OR2A12: variants seen among roughly 807,000 people sequenced by gnomAD.
The protein encoded by OR2A12 is olfactory receptor family 2 subfamily A member 12, also known as olfactory receptor 2A12.
For missense variants in OR2A12, 380 were observed against 372.5 expected, an observed-to-expected ratio of 1.02 and a Z score of -0.17; for synonymous variants, 153 against 149.3, an observed-to-expected ratio of 1.02 and a Z score of -0.18.
In OR2A12 at chr7:144,098,463, T is replaced by C. The variant is rs532242788; in HGVS notation, c.*2423T>C. 43 of 152,208 alleles carry C rather than the reference T, an allele frequency of 2.8e-4. 1 individual carries two copies. Among genetic ancestry groups the C allele is most frequent in the African/African-American group, 1.0e-3 (43 of 41,518 alleles). 9.4% of individuals were successfully genotyped at this position (152,208 alleles called of 1,614,324 possible). ...CAAGTTAGGGGGAGAGAGATGCATT[T>C]TTATGTTCTATTTATTAATAATTTC... On this transcript the variant is annotated 3_prime_UTR_variant, in exon 2 of 2. Coordinates refer to ENST00000641592, the MANE Select transcript of OR2A12 (RefSeq NM_001004135.2).
chr7:144,093,178 C>A (rs1410381820), intron 1 of OR2A12, among the ~76,000 whole-genome samples: 1 of 152,052 alleles, frequency 6.6e-6, no homozygotes, highest in Admixed American at 6.6e-5. Flanking sequence ...AAGTGGAATG[C>A]ATTTTTTTAG....
At chr7:144,087,996 G>A (rs1364400477) in intron 1 of OR2A12, among the ~76,000 whole-genome samples, 1 of 152,142 alleles carries the variant, frequency 6.6e-6, no homozygotes, top group African/African-American at 2.4e-5. Context: ...GATCAAGAGT[G>A]TGCATATTCT....
chr7:144,091,499 T>C (rs1379679369), intron 1 of OR2A12, among the ~76,000 whole-genome samples: 1 of 152,250 alleles, frequency 6.6e-6, no homozygotes, highest in African/African-American at 2.4e-5. Flanking sequence ...TGTTCCCTTT[T>C]CTCTCTGCAG....
intron 1 of OR2A12, among the ~76,000 whole-genome samples, chr7:144,091,976 T>C (rs539816895): frequency 6.6e-6 from 1 of 152,298 alleles, no homozygotes; most frequent in African/African-American, 2.4e-5. Context: ...AAGGTTTTTA[T>C]TGCTTTGGGT....
intron 1 of OR2A12, among the ~76,000 whole-genome samples, chr7:144,089,012 G>T (rs1173172052): frequency 6.6e-5 from 10 of 152,136 alleles, no homozygotes. Context: ...TACAAGAGGA[G>T]CACCTTATAT....
At chr7:144,087,186 T>C (rs1290214799) in intron 1 of OR2A12, among the ~76,000 whole-genome samples, 1 of 152,226 alleles carries the variant, frequency 6.6e-6, no homozygotes, top group Non-Finnish European at 1.5e-5. Flanking sequence ...GAGAATCATC[T>C]GCTTCTGCTA....
chr7:144,094,928 T>C, intron 1 of OR2A12, 129 bp from the exon 2 acceptor site: 1 of 505,130 alleles, frequency 2.0e-6, no homozygotes, highest in Non-Finnish European at 3.5e-6. Context: ...TTTAAATATC[T>C]CTAAAAGCCA....
chr7:144,090,386 T>C (rs139467340), intron 1 of OR2A12, among the ~76,000 whole-genome samples: 7 of 151,248 alleles, frequency 4.6e-5, no homozygotes, highest in African/African-American at 1.7e-4. Flanking sequence ...TATAAATATA[T>C]ATATTTATAT....
intron 1 of OR2A12, among the ~76,000 whole-genome samples, chr7:144,086,883 C>G (rs1204531369): frequency 6.6e-6 from 1 of 152,098 alleles, no homozygotes; most frequent in South Asian, 2.1e-4. Context: ...AAAGAGAGAG[C>G]GAGCGAGAAC....
chr7:144,090,439 C>A (rs539541228), intron 1 of OR2A12, among the ~76,000 whole-genome samples: 1 of 151,518 alleles, frequency 6.6e-6, no homozygotes, highest in Non-Finnish European at 1.5e-5. Flanking sequence ...CTAAGAAAAA[C>A]AAAGTTATTA....
rs1448238320 is a variant in OR2A12 at position 144,097,087 on chromosome 7, G to T, written c.*1047G>T. 6.6e-6 allele frequency: 1 copy of T among 151,860 alleles called. No homozygotes were observed. Among genetic ancestry groups the T allele is most frequent in the Admixed American group, 6.6e-5 (1 of 15,226 alleles). The allele number at this position is 151,860 out of a possible 1,614,324, so 9.4% of individuals were successfully genotyped here. A position where few individuals can be genotyped will look rare whatever the true frequency, so the allele number is the denominator to read the frequency against. On this transcript the variant is annotated 3_prime_UTR_variant, in exon 2 of 2. Transcript: ENST00000641592. ...CACACGTGCACACACATTTGAGAAA[G>T]AAGAAACAAACTGTAATTACATACA... is the stretch of plus-strand genomic sequence containing the variant.
rs1327333329 is a variant in OR2A12 at position 144,095,068 on chromosome 7, C to A, written c.-40C>A. 7.4e-7 allele frequency: 1 copy of A among 1,360,462 alleles called. No homozygotes were observed. Among genetic ancestry groups the A allele is most frequent in the Admixed American group, 2.2e-5 (1 of 45,534 alleles). 84.3% of individuals were successfully genotyped at this position (1,360,462 alleles called of 1,614,324 possible). Reference sequence around the variant, plus strand: ...TTTTCTCCCATTAGCTGTGAAATTTCTGTCTTAAGTACATCACAAGATTTT... The same window carrying A: ...TTTTCTCCCATTAGCTGTGAAATTTATGTCTTAAGTACATCACAAGATTTT... On this transcript the variant is annotated 5_prime_UTR_variant, in exon 2 of 2. In the 5' UTR this introduces an upstream ATG that the reference lacks. Transcript: ENST00000641592.
rs769270259 is a variant in OR2A12, at chr7:144,095,732, C to A, written c.625C>A (p.Pro209Thr). Reference protein sequence around the residue: ...FAGSAFILVGPLCLVLVSYLH... With the variant: ...FAGSAFILVGTLCLVLVSYLH... ...GGGTTCTGCGTTCATCTTAGTGGGG[C>A]CGCTCTGCCTGGTGCTGGTCTCCTA... Residue 209 changes from proline (P) to threonine (T), a missense_variant, in exon 2 of 2, where the codon CCG becomes ACG. Pro to Thr is a conservative substitution (Grantham distance 38, BLOSUM62 -1). Coordinates refer to ENST00000641592, the MANE Select transcript of OR2A12 (RefSeq NM_001004135.2). 2 of 1,614,070 alleles carry A rather than the reference C, an allele frequency of 1.2e-6. No individual in the cohort carries two copies. Among genetic ancestry groups the A allele is most frequent in the Non-Finnish European group, 1.7e-6 (2 of 1,180,022 alleles).
chr7:144,087,655 T>A (rs1344241779), intron 1 of OR2A12, among the ~76,000 whole-genome samples: 1 of 152,256 alleles, frequency 6.6e-6, no homozygotes, highest in Non-Finnish European at 1.5e-5. Context: ...TTCTCACTTT[T>A]GAGAAGGAAG....
In OR2A12 at chr7:144,095,538, C is replaced by T. The variant is rs1263688474; in HGVS notation, c.431C>T (p.Ala144Val). Residue 144 changes from alanine to valine, a missense_variant, in exon 2 of 2, where the codon GCC (alanine) becomes GTC (valine). By Grantham distance (64) the Ala-to-Val change is moderately conservative (BLOSUM62 0). Transcript: ENST00000641592. ...IMNWRVCTVL[A>V]STCWIFSFLL... The stretch of plus-strand genomic sequence containing the variant: ...AACTGGAGAGTGTGCACTGTCCTGG[C>T]CTCAACTTGCTGGATATTTAGCTTT... 3 of 1,613,944 alleles carry T rather than the reference C, an allele frequency of 1.9e-6. No homozygotes were observed. Among genetic ancestry groups the T allele is most frequent in the African/African-American group, 1.3e-5 (1 of 74,880 alleles).
Position 144,095,704 on chromosome 7 carries a change from T to G in OR2A12, c.597T>G (p.Phe199Leu). 1 of 1,614,130 alleles carries G rather than the reference T, an allele frequency of 6.2e-7. No individual in the cohort carries two copies. Among genetic ancestry groups the G allele is most frequent in the Non-Finnish European group, 8.5e-7 (1 of 1,180,026 alleles). Residue 199 changes from phenylalanine to leucine, a missense_variant, in exon 2 of 2, where the codon TTT becomes TTG. By Grantham distance (22) the Phe-to-Leu change is conservative (BLOSUM62 0). Transcript: ENST00000641592. The part of the protein sequence containing the change: ...ADTRLNQVVL[F>L]AGSAFILVGP... The stretch of plus-strand genomic sequence containing the variant: ...CTAGGCTCAACCAGGTGGTCCTATT[T>G]GCGGGTTCTGCGTTCATCTTAGTGG...
intron 1 of OR2A12, among the ~76,000 whole-genome samples, chr7:144,093,921 A>G (rs1471234551): frequency 6.6e-6 from 1 of 152,068 alleles, no homozygotes; most frequent in East Asian, 1.9e-4. Flanking sequence ...TATTGTGAAT[A>G]GTGCCGCAAT....
At position 144,095,096 on chromosome 7, in the gene OR2A12, T is replaced by C; in HGVS notation, c.-12T>C. 1 of 1,565,090 alleles carries C rather than the reference T, an allele frequency of 6.4e-7. No individual in the cohort carries two copies. The highest frequency in any genetic ancestry group is 8.7e-7 in the Non-Finnish European group (1 of 1,155,848). On this transcript the variant is annotated 5_prime_UTR_variant, in exon 2 of 2. Transcript: ENST00000641592. ...TCTTAAGTACATCACAAGATTTTTC[T>C]GTCACGAGAACATGGAAAGCAATCA... is the stretch of plus-strand genomic sequence containing the variant.
At chr7:144,087,386 G>A (rs1223191146) in intron 1 of OR2A12, among the ~76,000 whole-genome samples, 1 of 152,134 alleles carries the variant, frequency 6.6e-6, no homozygotes, top group Admixed American at 6.5e-5. Flanking sequence ...CCTGATTTGT[G>A]TACCAAGAAT....
Sources: allele counts gnomAD v4.1 joint callset (sites outside exome capture counted in the v4.1 genomes callset), GRCh38; gene constraint gnomAD v4.1.1; transcripts MANE v1.5; gene names NCBI Gene and HGNC (gene_info 2026-07-23, HGNC 2026-07-21).